The following ZNF610 variants were observed in gnomAD, a reference collection of about 807,000 sequenced individuals.
The protein encoded by ZNF610 is zinc finger protein 610, also known as zink finger protein.
A neutral mutation model predicts 14.1 loss-of-function variants in ZNF610; 14 were observed. The observed-to-expected ratio is 0.99, with a 90% CI of 0.65 to 1.55. The LOEUF is 1.55. ZNF610 is among the 40% of genes most tolerant of loss of function. The probability of loss-of-function intolerance (pLI) is 0.00; values close to 1 mark genes in which losing one functional copy is unlikely to be tolerated. For missense variants in ZNF610, 530 were observed against 558.0 expected (o/e 0.95, Z 0.51); for synonymous variants, 185 against 187.6 (o/e 0.99, Z 0.11).
chr19:52,358,155 T>C (rs559639224), intron 5 of ZNF610, among the ~76,000 whole-genome samples: 6 of 152,274 alleles, frequency 3.9e-5, no homozygotes, highest in African/African-American at 1.2e-4. Context: ...TAAAGAAATT[T>C]CCATATTTTT....
intron 3 of ZNF610, among the ~76,000 whole-genome samples, chr19:52,351,254 C>T (rs769042594): frequency 3.3e-5 from 5 of 151,672 alleles, no homozygotes; most frequent in Admixed American, 6.6e-5. Flanking sequence ...CTCAGGAGTT[C>T]GAGACCAGCC....
chr19:52,351,160 G>C (rs1460173331), intron 3 of ZNF610, among the ~76,000 whole-genome samples: 1 of 151,558 alleles, frequency 6.6e-6, no homozygotes, highest in African/African-American at 2.4e-5. Context: ...CTCTGAATTA[G>C]AAATTAGTCA....
chr19:52,365,237 C>CAAAA (rs371290297), intron 5 of ZNF610, among the ~76,000 whole-genome samples: 3 of 104,344 alleles, frequency 2.9e-5, no homozygotes, highest in African/African-American at 1.0e-4. Flanking sequence ...GACTCCGTCT[C>CAAAA]AAAAAAAAAA....
At chr19:52,357,063 A>G (rs778806178) in intron 5 of ZNF610, among the ~76,000 whole-genome samples, 4 of 152,162 alleles carry the variant, frequency 2.6e-5, no homozygotes, top group Non-Finnish European at 5.9e-5. Context: ...CCTTTCAGAC[A>G]CGGGTCATAA....
At chr19:52,356,797 T>C (rs1313865829) in intron 5 of ZNF610, among the ~76,000 whole-genome samples, 1 of 152,210 alleles carries the variant, frequency 6.6e-6, no homozygotes, top group Non-Finnish European at 1.5e-5. Flanking sequence ...AGAAATACCA[T>C]TACACTGACT....
In ZNF610 at chr19:52,349,225, C is replaced by T. The variant is rs778985409; in HGVS notation, c.53C>T (p.Ala18Val). Reference protein sequence around the residue: ...QKRKAKESGMALPQGRLTFMD... With the variant: ...QKRKAKESGMVLPQGRLTFMD... The stretch of plus-strand genomic sequence containing the variant: ...AGGAAAGCAAAGGAGTCAGGGATGG[C>T]TCTTCCTCAGGTAAAGTGATATTCT... The change falls in exon 3 of 6, where the codon GCT (alanine) becomes GTT (valine). Residue 18 changes from alanine to valine, a missense_variant. Coordinates refer to ENST00000403906, the MANE Select transcript of ZNF610 (RefSeq NM_001161425.2). The T allele has an allele frequency of 3.7e-6, 6 of 1,613,084 alleles. No homozygotes were observed. The highest frequency in any genetic ancestry group is 5.1e-6 in the Non-Finnish European group (6 of 1,179,858).
At chr19:52,330,617 T>G in the ZNF610 span, among the ~76,000 whole-genome samples, 2 of 152,198 alleles carry the variant, frequency 1.3e-5, no homozygotes, top group African/African-American at 4.8e-5. Flanking sequence ...AGAAGAGGCT[T>G]TTTTATTTCC....
At chr19:52,357,315 G>A (rs1985569269) in intron 5 of ZNF610, among the ~76,000 whole-genome samples, 1 of 152,104 alleles carries the variant, frequency 6.6e-6, no homozygotes, top group Admixed American at 6.6e-5. Context: ...CCAGGAGTTT[G>A]AGACCAGCAA....
chr19:52,356,142 G>A (rs942327653), intron 5 of ZNF610, among the ~76,000 whole-genome samples: 18 of 152,128 alleles, frequency 1.2e-4, no homozygotes, highest in Non-Finnish European at 5.9e-5. Context: ...TCAGGAACCG[G>A]GGAAGAGACC....
intron 5 of ZNF610, 35 bp from the exon 6 acceptor site, chr19:52,365,663 C>A (rs773491204): frequency 3.2e-6 from 5 of 1,542,356 alleles, no homozygotes; most frequent in Non-Finnish European, 4.4e-6. Context: ...ATGCCAGAAT[C>A]ATGGGTTCAT....
chr19:52,346,399 G>A lies in ZNF610; in HGVS notation c.-257-1308G>A, dbSNP rs911977413. On this transcript the variant is annotated intron_variant, in intron 1 of 5. Transcript: ENST00000403906. Reference sequence around the variant, plus strand: ...AGTCTGGTGTCGAACTCCTGACCTCGTGATCTGCCCGCCTCGGCCTCCCAA... The same window carrying A: ...AGTCTGGTGTCGAACTCCTGACCTCATGATCTGCCCGCCTCGGCCTCCCAA... Among the ~76,000 whole-genome samples the A allele has an allele frequency of 1.3e-5, 2 of 151,856 alleles. 1 individual carries two copies. The highest frequency in any genetic ancestry group is 4.9e-5 in the African/African-American group (2 of 41,192).
intron 1 of ZNF610, among the ~76,000 whole-genome samples, chr19:52,342,625 T>G (rs1430697535): frequency 6.6e-6 from 1 of 151,814 alleles, no homozygotes; most frequent in Non-Finnish European, 1.5e-5. Context: ...GTTCAAGTGA[T>G]TCTCCCACCT....
chr19:52,356,994 G>T (rs1007521987), intron 5 of ZNF610, among the ~76,000 whole-genome samples: 5 of 152,126 alleles, frequency 3.3e-5, no homozygotes, highest in African/African-American at 4.8e-5. Flanking sequence ...TTCTGATGCT[G>T]TGTACCTGGA....
intron 2 of ZNF610, 174 bp downstream of exon 2, chr19:52,348,118 A>G (rs1162789018): frequency 1.3e-5 from 2 of 152,212 alleles, no homozygotes; most frequent in East Asian, 1.9e-4. Context: ...GCTATACCAT[A>G]TACCCTAGGT....
intron 3 of ZNF610, among the ~76,000 whole-genome samples, chr19:52,352,302 G>GAGCA (rs1985295252): frequency 6.6e-6 from 1 of 152,032 alleles, no homozygotes; most frequent in Non-Finnish European, 1.5e-5. Context: ...GCAATGGCGT[G>GAGCA]ATCTCGGCTC....
At chr19:52,361,423 C>T (rs554840641) in intron 5 of ZNF610, among the ~76,000 whole-genome samples, 160 of 152,098 alleles carry the variant, frequency 1.1e-3, no homozygotes, top group African/African-American at 3.8e-3. Context: ...GAGATCCACC[C>T]GCCTCGGCCT....
At chr19:52,335,194 A>C (rs1984320725), upstream of ZNF610, among the ~76,000 whole-genome samples, 1 of 151,834 alleles carries the variant, frequency 6.6e-6, no homozygotes, top group Admixed American at 6.6e-5. Context: ...GGTCCCAGCT[A>C]CTCAGGAGGC....
upstream of ZNF610, among the ~76,000 whole-genome samples, chr19:52,334,959 A>ACACACACAC (rs60779202): frequency 6.8e-6 from 1 of 146,648 alleles, no homozygotes; most frequent in African/African-American, 2.6e-5. Flanking sequence ...ACACACACAC[A>ACACACACAC]ATGTAATTTA....
intron 3 of ZNF610, among the ~76,000 whole-genome samples, chr19:52,351,953 T>G (rs1451241485): frequency 6.6e-6 from 1 of 152,268 alleles, no homozygotes; most frequent in African/African-American, 2.4e-5. Flanking sequence ...ACTTGGTGCT[T>G]CTTTGGGGTG....
Sources: allele counts gnomAD v4.1 joint callset (sites outside exome capture counted in the v4.1 genomes callset), GRCh38; gene constraint gnomAD v4.1.1; transcripts MANE v1.5; gene names NCBI Gene and HGNC (gene_info 2026-07-23, HGNC 2026-07-21).